ZNF439: variants seen among roughly 807,000 people sequenced by gnomAD.
The protein encoded by ZNF439 is zinc finger protein 439.
Under a neutral mutation model 47.3 loss-of-function variants are expected in ZNF439, and 40 were observed. The observed-to-expected ratio is 0.85, with a 90% CI of 0.66 to 1.10. The LOEUF is 1.10. Ranked by LOEUF, ZNF439 falls within the 50% of genes least tolerant of loss-of-function variation. The probability of loss-of-function intolerance (pLI) is 0.00; values close to 1 mark genes in which losing one functional copy is unlikely to be tolerated. For synonymous variants in ZNF439, 171 were observed against 198.8 expected, an observed-to-expected ratio of 0.86 and a Z score of 1.18; for missense variants, 556 against 601.1, an observed-to-expected ratio of 0.93 and a Z score of 0.78.
In ZNF439 at chr19:11,866,208, C is replaced by T. The variant is rs1555694910; in HGVS notation, c.67C>T (p.Pro23Ser). Reference protein sequence around the residue: ...PGTSESREMDPVAFKDVAVNF... With the variant: ...PGTSESREMDSVAFKDVAVNF... ...CTACACATGTGAGATGTTTCAGGAC[C>T]CAGTGGCTTTTAAGGATGTGGCTGT... The change falls in exon 2 of 4, where the codon CCA becomes TCA. Residue 23 changes from proline to serine, a missense_variant. Pro to Ser is a moderately conservative substitution (Grantham distance 74). Coordinates refer to ENST00000682736, the MANE Select transcript of ZNF439 (RefSeq NM_001348719.2). 4 of 1,613,936 alleles carry T rather than the reference C, an allele frequency of 2.5e-6. No individual in the cohort carries two copies. The highest frequency in any genetic ancestry group is 2.7e-5 in the African/African-American group (2 of 74,860).
At chr19:11,852,915 T>C (rs183071735) in intron 1 of ZNF439, among the ~76,000 whole-genome samples, 28 of 152,310 alleles carry the variant, frequency 1.8e-4, no homozygotes, top group Admixed American at 5.2e-4. Flanking sequence ...CATTTTTCTA[T>C]AAATTAGTAA....
intron 1 of ZNF439, among the ~76,000 whole-genome samples, chr19:11,861,721 G>A (rs1015345708): frequency 6.6e-6 from 1 of 152,236 alleles, no homozygotes; most frequent in Non-Finnish European, 1.5e-5. Flanking sequence ...ACAATAGCCT[G>A]CAAAAGCAAA....
In ZNF439 at chr19:11,868,878, T is replaced by C. The variant is rs938296335; in HGVS notation, c.*309T>C. ...CTCTTCTTTTCAAATACATGAAAGT[T>C]GCACAGAGGAGAGGCGCCCTAAGAA... On this transcript the variant is annotated 3_prime_UTR_variant, in exon 4 of 4. Transcript: ENST00000682736. 2 of 405,424 alleles carry C rather than the reference T, an allele frequency of 4.9e-6. No homozygotes were observed. The highest frequency in any genetic ancestry group is 5.3e-5 in the East Asian group (1 of 18,786). The allele number at this position is 405,424 out of a possible 1,614,324, so 25.1% of individuals were successfully genotyped here.
At chr19:11,855,574 T>C (rs1976363633) in intron 1 of ZNF439, among the ~76,000 whole-genome samples, 1 of 152,138 alleles carries the variant, frequency 6.6e-6, no homozygotes, top group South Asian at 2.1e-4. Context: ...GTCTAACTGT[T>C]CTATGCCATG....
At chr19:11,854,586 C>T (rs188899710) in intron 1 of ZNF439, among the ~76,000 whole-genome samples, 214 of 152,156 alleles carry the variant, frequency 1.4e-3, no homozygotes, top group Non-Finnish European at 1.7e-3. Flanking sequence ...GGTGAAACCC[C>T]GTCTCTACTA....
chr19:11,862,541 T>A (rs901382840), intron 1 of ZNF439, among the ~76,000 whole-genome samples: 1 of 152,160 alleles, frequency 6.6e-6, no homozygotes, highest in African/African-American at 2.4e-5. Flanking sequence ...TGGGTCAATA[T>A]GTAGGAATGA....
Position 11,868,672 on chromosome 19 carries a change from A to G in ZNF439, c.*103A>G. Reference sequence around the variant, plus strand: ...CCTATAAATGCAAGCAATGTGGTAAAGCCTTAATTGTTCCAGTTCCTTTCG... The same window carrying G: ...CCTATAAATGCAAGCAATGTGGTAAGGCCTTAATTGTTCCAGTTCCTTTCG... On this transcript the variant is annotated 3_prime_UTR_variant, in exon 4 of 4. Coordinates refer to ENST00000682736, the MANE Select transcript of ZNF439 (RefSeq NM_001348719.2). The G allele has an allele frequency of 2.3e-6, 3 of 1,278,134 alleles. No individual in the cohort carries two copies. In the South Asian group the frequency reaches 4.0e-5, roughly 17 times the overall value. 79.2% of individuals were successfully genotyped at this position (1,278,134 alleles called of 1,614,324 possible). A position where few individuals can be genotyped will look rare whatever the true frequency, so the allele number is the denominator to read the frequency against.
chr19:11,866,210 A>T lies in ZNF439; in HGVS notation c.69A>T (p.Pro23=). 6.2e-7 allele frequency: 1 copy of T among 1,614,162 alleles called. No homozygotes were observed. Among genetic ancestry groups the T allele is most frequent in the African/African-American group, 1.3e-5 (1 of 75,034 alleles). The change falls in exon 2 of 4, where the codon CCA becomes CCT. Residue 23 remains proline (P), a synonymous_variant. Coordinates refer to ENST00000682736, the MANE Select transcript of ZNF439 (RefSeq NM_001348719.2). ...ACACATGTGAGATGTTTCAGGACCCAGTGGCTTTTAAGGATGTGGCTGTGA... is the reference window on the plus strand; with the variant it reads ...ACACATGTGAGATGTTTCAGGACCCTGTGGCTTTTAAGGATGTGGCTGTGA... ...PGTSESREMD[P]VAFKDVAVNF... is the part of the protein sequence containing the mutation.
chr19:11,852,773 G>C (rs1394312601), intron 1 of ZNF439, among the ~76,000 whole-genome samples: 1 of 152,014 alleles, frequency 6.6e-6, no homozygotes, highest in Non-Finnish European at 1.5e-5. Flanking sequence ...GCCTCCCAAA[G>C]TGGCGGGATT....
chr19:11,860,648 G>A (rs1315339254), intron 1 of ZNF439, among the ~76,000 whole-genome samples: 2 of 152,154 alleles, frequency 1.3e-5, no homozygotes, highest in African/African-American at 2.4e-5. Flanking sequence ...AGAAGGGGTC[G>A]GGGGCACCTT....
intron 1 of ZNF439, among the ~76,000 whole-genome samples, chr19:11,854,748 C>T (rs956125219): frequency 6.6e-6 from 1 of 151,162 alleles, no homozygotes; most frequent in African/African-American, 2.4e-5. Flanking sequence ...CAGAGCAAGG[C>T]TCTGTCTCAA....
At chr19:11,863,649 G>A (rs959913433) in intron 1 of ZNF439, among the ~76,000 whole-genome samples, 9 of 152,164 alleles carry the variant, frequency 5.9e-5, no homozygotes, top group African/African-American at 1.7e-4. Flanking sequence ...CCAATTTATC[G>A]ATTTTCTCAC....
intron 1 of ZNF439, chr19:11,850,625 G>A (rs534782939): frequency 7.2e-5 from 11 of 152,242 alleles, no homozygotes; most frequent in Admixed American, 6.5e-5. Context: ...TTATGTTCTT[G>A]CTTATATTAC....
chr19:11,868,887 G>T lies in ZNF439; in HGVS notation c.*318G>T. 1 of 387,146 alleles carries T rather than the reference G, an allele frequency of 2.6e-6. No homozygotes were observed. Among genetic ancestry groups the T allele is most frequent in the Non-Finnish European group, 5.0e-6 (1 of 200,528 alleles). 24.0% of individuals were successfully genotyped at this position (387,146 alleles called of 1,614,324 possible). On this transcript the variant is annotated 3_prime_UTR_variant, in exon 4 of 4. Transcript: ENST00000682736. ...TCAAATACATGAAAGTTGCACAGAG[G>T]AGAGGCGCCCTAAGAATGTAAGCAT...
chr19:11,868,320 A>G lies in ZNF439; in HGVS notation c.1266A>G (p.Lys422=), dbSNP rs1177084295. Residue 422 remains lysine (K), a synonymous_variant, in exon 4 of 4, where the codon AAA becomes AAG. Coordinates refer to ENST00000682736, the MANE Select transcript of ZNF439 (RefSeq NM_001348719.2). ...EKPYECKQCG[K]AFRSAPNLQL... is the part of the protein sequence containing the mutation. ...CCTATGAGTGTAAGCAATGTGGGAA[A>G]GCCTTCAGATCTGCCCCAAATCTTC... 1 of 1,603,644 alleles carries G rather than the reference A, an allele frequency of 6.2e-7. No individual in the cohort carries two copies. The highest frequency in any genetic ancestry group is 2.2e-5 in the East Asian group (1 of 44,848).
chr19:11,866,718 A>G (rs1287221918), intron 3 of ZNF439, 121 bp downstream of exon 3: 7 of 1,049,504 alleles, frequency 6.7e-6, no homozygotes, highest in Non-Finnish European at 8.1e-6. Context: ...TTCATACAAT[A>G]TTTTATCTAA....
At chr19:11,854,375 G>A (rs760888608) in intron 1 of ZNF439, among the ~76,000 whole-genome samples, 3 of 152,242 alleles carry the variant, frequency 2.0e-5, no homozygotes, top group Non-Finnish European at 2.9e-5. Context: ...GTTTCACAAA[G>A]TGCAAAGCAG....
At chr19:11,865,901 C>T (rs1976665431) in intron 1 of ZNF439, 3 of 543,824 alleles carry the variant, frequency 5.5e-6, no homozygotes, top group Admixed American at 4.6e-5. Context: ...CTGGTGCATG[C>T]CTGTAATCCC....
In ZNF439 at chr19:11,848,779, G is replaced by A. The variant is rs532300461; in HGVS notation, c.-89G>A. On this transcript the variant is annotated 5_prime_UTR_variant, in exon 1 of 4. Transcript: ENST00000682736. ...CATTCCTGCCGTCACCTTTGTCGCT[G>A]CGAGGGCGGCGGTTGGGATCTGGCC... 126 of 1,344,046 alleles carry A rather than the reference G, an allele frequency of 9.4e-5. 3 individuals are homozygous for A. The South Asian group carries it at 1.5e-3, about 16-fold the overall frequency. 83.3% of individuals were successfully genotyped at this position (1,344,046 alleles called of 1,614,324 possible).
Sources: gnomAD v4.1 joint callset for allele counts (sites outside exome capture counted in the v4.1 genomes callset) on GRCh38, gnomAD v4.1.1 for gene constraint, MANE v1.5 for transcripts, NCBI Gene and HGNC (gene_info 2026-07-23, HGNC 2026-07-21) for gene names.